DNAJC15: variants seen among roughly 807,000 people sequenced by gnomAD.
The protein encoded by DNAJC15 is DnaJ heat shock protein family (Hsp40) member C15, also known as dnaJ homolog subfamily C member 15.
In DNAJC15, 27 loss-of-function variants were observed where a neutral mutation model predicts 22.4. That is an observed-to-expected ratio of 1.20 (90% CI 0.89 to 1.66). The LOEUF (loss-of-function observed/expected upper bound fraction) is 1.66, where lower values mean the gene tolerates loss of function less well. Among genes scored for constraint, DNAJC15 ranks in the 40% most tolerant of loss-of-function variants. DNAJC15 has a pLI of 0.00. For missense variants in DNAJC15, 208 were observed against 187.1 expected (o/e 1.11, Z -0.65); for synonymous variants, 79 against 63.2 (o/e 1.25, Z -1.19).
At chr13:43,036,307 G>T (rs948783550) in intron 1 of DNAJC15, among the ~76,000 whole-genome samples, 1 of 151,778 alleles carries the variant, frequency 6.6e-6, no homozygotes, top group African/African-American at 2.4e-5. Flanking sequence ...CTGGGACTAC[G>T]GGTCGCACCA....
At chr13:43,051,366 A>C (rs1332854236) in intron 1 of DNAJC15, among the ~76,000 whole-genome samples, 1 of 152,008 alleles carries the variant, frequency 6.6e-6, no homozygotes, top group Non-Finnish European at 1.5e-5. Context: ...CTGAGATTTT[A>C]GTGTACTCAT....
intron 1 of DNAJC15, among the ~76,000 whole-genome samples, chr13:43,040,383 C>T (rs921537948): frequency 6.6e-6 from 1 of 152,048 alleles, no homozygotes; most frequent in African/African-American, 2.4e-5. Flanking sequence ...TTTGACTTAC[C>T]TGTTTATCTG....
chr13:43,074,949 T>G (rs1164212627), intron 3 of DNAJC15, among the ~76,000 whole-genome samples: 1 of 152,178 alleles, frequency 6.6e-6, no homozygotes, highest in Non-Finnish European at 1.5e-5. Flanking sequence ...TCACCTATGC[T>G]GAGGCCAACT....
chr13:43,080,049 G>T (rs771553819), intron 4 of DNAJC15, among the ~76,000 whole-genome samples: 2 of 152,120 alleles, frequency 1.3e-5, no homozygotes, highest in Non-Finnish European at 2.9e-5. Context: ...TATAATATAT[G>T]TGAATTTCTT....
intron 1 of DNAJC15, among the ~76,000 whole-genome samples, chr13:43,045,171 A>T: frequency 6.6e-6 from 1 of 152,172 alleles, no homozygotes; most frequent in East Asian, 1.9e-4. Context: ...CACACTGGGC[A>T]CACCTGTGCT....
At chr13:43,068,084 A>G (rs937573818) in intron 2 of DNAJC15, among the ~76,000 whole-genome samples, 1 of 152,010 alleles carries the variant, frequency 6.6e-6, no homozygotes, top group Non-Finnish European at 1.5e-5. Flanking sequence ...TTGCAGTAGA[A>G]CTCTTGATTT....
At chr13:43,082,888 G>C (rs2040669184) in intron 4 of DNAJC15, among the ~76,000 whole-genome samples, 1 of 150,888 alleles carries the variant, frequency 6.6e-6, no homozygotes, top group African/African-American at 2.4e-5. Context: ...ATGCGTATAT[G>C]TGTGTATATA....
chr13:43,107,239 C>T lies in DNAJC15; in HGVS notation c.444C>T (p.Thr148=). Residue 148 remains threonine (T), a synonymous_variant, in exon 6 of 6, where the codon ACC becomes ACT. Transcript: ENST00000379221. ...NEAKDLLETT[T]KH is the part of the protein sequence containing the mutation. ...CAAAAGACTTGCTAGAAACAACCAC[C>T]AAACATTGATGCTTAAGGACCACAC... 1.3e-6 allele frequency: 2 copies of T among 1,576,744 alleles called. No homozygotes were observed. The highest frequency in any genetic ancestry group is 1.2e-5 in the South Asian group (1 of 85,324).
At chr13:43,036,439 G>T (rs533400831) in intron 1 of DNAJC15, among the ~76,000 whole-genome samples, 2 of 152,124 alleles carry the variant, frequency 1.3e-5, no homozygotes, top group Non-Finnish European at 2.9e-5. Flanking sequence ...CAGAATGGAG[G>T]AAGTGCATGT....
At chr13:43,066,312 G>A (rs1460292497) in intron 2 of DNAJC15, among the ~76,000 whole-genome samples, 1 of 151,796 alleles carries the variant, frequency 6.6e-6, no homozygotes, top group African/African-American at 2.4e-5. Flanking sequence ...CTGGGGAGAA[G>A]CCCTTTCCTT....
At chr13:43,093,354 G>A (rs1425002093) in intron 5 of DNAJC15, among the ~76,000 whole-genome samples, 1 of 152,126 alleles carries the variant, frequency 6.6e-6, no homozygotes. Context: ...GATTCTATCT[G>A]TGAGTATTTA....
intron 5 of DNAJC15, among the ~76,000 whole-genome samples, chr13:43,098,601 A>C (rs1396578436): frequency 6.6e-6 from 1 of 152,194 alleles, no homozygotes; most frequent in African/African-American, 2.4e-5. Context: ...TCATCCATTT[A>C]AGGTATACAG....
At position 43,107,345 on chromosome 13, in the gene DNAJC15, A is replaced by G. The variant is rs969795143; in HGVS notation, c.*97A>G. On this transcript the variant is annotated 3_prime_UTR_variant, in exon 6 of 6. Coordinates refer to ENST00000379221, the MANE Select transcript of DNAJC15 (RefSeq NM_013238.3). Reference sequence around the variant, plus strand: ...TAAAACATGGTCTTCTTAATTTTCTATATGGATTGACCACAGTCTTATCTT... The same window carrying G: ...TAAAACATGGTCTTCTTAATTTTCTGTATGGATTGACCACAGTCTTATCTT... 62 of 1,002,644 alleles carry G rather than the reference A, an allele frequency of 6.2e-5. No homozygotes were observed. The highest frequency in any genetic ancestry group is 1.1e-4 in the Admixed American group (3 of 26,900). The allele number at this position is 1,002,644 out of a possible 1,614,324, so 62.1% of individuals were successfully genotyped here.
intron 5 of DNAJC15, among the ~76,000 whole-genome samples, chr13:43,103,216 C>T (rs1180006630): frequency 6.6e-6 from 1 of 152,144 alleles, no homozygotes; most frequent in African/African-American, 2.4e-5. Context: ...TTTAATTCTA[C>T]TATGGTCAGC....
In DNAJC15 at chr13:43,107,668, C is replaced by CGA. The variant is rs1342787341; in HGVS notation, c.*420_*421insGA. On this transcript the variant is annotated 3_prime_UTR_variant, in exon 6 of 6. Coordinates refer to ENST00000379221, the MANE Select transcript of DNAJC15 (RefSeq NM_013238.3). ...ATTTTTTTTTAGGGAATTTGGGACT[C>CGA]TGCCTATATAAGGTGTTTTAAATGT... 2.0e-5 allele frequency: 3 copies of CGA among 152,860 alleles called. No homozygotes were observed. In the East Asian group the frequency reaches 5.7e-4, roughly 29 times the overall value. The allele number at this position is 152,860 out of a possible 1,614,324, so 9.5% of individuals were successfully genotyped here.
chr13:43,069,378 T>A (rs2040598557), intron 3 of DNAJC15, among the ~76,000 whole-genome samples: 1 of 152,186 alleles, frequency 6.6e-6, no homozygotes, highest in Non-Finnish European at 1.5e-5. Flanking sequence ...ACATGGTTCT[T>A]GTCCTGATGA....
In DNAJC15 at chr13:43,023,609, T is replaced by G. The variant is rs1344558744; in HGVS notation, c.-18T>G. 6.2e-7 allele frequency: 1 copy of G among 1,602,780 alleles called. No homozygotes were observed. The highest frequency in any genetic ancestry group is 8.5e-7 in the Non-Finnish European group (1 of 1,174,696). ...GTAGTCACTGCCGCGGCGCCTTGAG[T>G]CTCCGGGCCGCCTTGCCATGGCTGC... On this transcript the variant is annotated 5_prime_UTR_variant, in exon 1 of 6. Coordinates refer to ENST00000379221, the MANE Select transcript of DNAJC15 (RefSeq NM_013238.3).
intron 3 of DNAJC15, among the ~76,000 whole-genome samples, chr13:43,075,647 A>G (rs1461053647): frequency 6.0e-4 from 91 of 152,226 alleles, no homozygotes; most frequent in Non-Finnish European, 2.2e-4. Context: ...AGAAACCTTA[A>G]AACCAGCCCC....
At chr13:43,086,915 G>A (rs1413254699) in intron 5 of DNAJC15, among the ~76,000 whole-genome samples, 2 of 152,148 alleles carry the variant, frequency 1.3e-5, no homozygotes, top group Non-Finnish European at 2.9e-5. Flanking sequence ...ACCCTGTGTG[G>A]GGTAGCTGGG....
Sources: gnomAD v4.1 joint callset for allele counts (sites outside exome capture counted in the v4.1 genomes callset) on GRCh38, gnomAD v4.1.1 for gene constraint, MANE v1.5 for transcripts, NCBI Gene and HGNC (gene_info 2026-07-23, HGNC 2026-07-21) for gene names.